DACH2: variants seen among roughly 807,000 people sequenced by gnomAD.
DACH2 encodes the protein dachshund homolog 2.
In DACH2, 17 loss-of-function variants were observed where a neutral mutation model predicts 35.8. That is an observed-to-expected ratio of 0.48 (90% CI 0.33 to 0.71). The LOEUF (loss-of-function observed/expected upper bound fraction) is 0.71, where lower values mean the gene tolerates loss of function less well. DACH2 is among the 30% of genes least tolerant of loss of function. DACH2 has a pLI of 0.02. For synonymous variants in DACH2, 195 were observed against 177.3 expected (o/e 1.10, Z -0.79); for missense variants, 469 against 472.7 (o/e 0.99, Z 0.07).
chrX:86,308,613 T>A (rs773946425), intron 1 of DACH2, among the ~76,000 whole-genome samples: 2 of 111,882 alleles, frequency 1.8e-5, no homozygotes, highest in African/African-American at 3.3e-5. Context: ...AGCTCTTGAA[T>A]GAAGGGGAGG....
At chrX:86,546,499 CTTTCTT>C (rs1569435906) in intron 3 of DACH2, among the ~76,000 whole-genome samples, 1 of 61,275 alleles carries the variant, frequency 1.6e-5, no homozygotes, top group African/African-American at 1.1e-4. Context: ...TCTTCTTCTT[CTTTCTT>C]TTTTTTTTTT....
At chrX:86,543,160 G>A (rs770813954) in intron 3 of DACH2, among the ~76,000 whole-genome samples, 1 of 111,518 alleles carries the variant, frequency 9.0e-6, no homozygotes, top group South Asian at 3.8e-4. Context: ...CACAGAGGCA[G>A]GGCTGAAGAG....
chrX:86,772,908 T>C lies in DACH2; in HGVS notation c.1240+33026T>C, dbSNP rs1320958653. On this transcript the variant is annotated intron_variant, in intron 7 of 11. Transcript: ENST00000373125. The stretch of plus-strand genomic sequence containing the variant: ...ATATAAGACAGTCATATTTGTGCTA[T>C]TATTGTTTTAAAGAAAACATCCTGT... Among the ~76,000 whole-genome samples the C allele has an allele frequency of 3.6e-5, 4 of 111,332 alleles. No homozygotes were observed. The East Asian group carries it at 1.1e-3, about 32-fold the overall frequency.
chrX:86,783,762 T>C (rs184138154), intron 7 of DACH2, among the ~76,000 whole-genome samples: 2 of 111,556 alleles, frequency 1.8e-5, no homozygotes, highest in African/African-American at 6.5e-5. Context: ...ATATTCTCAC[T>C]TATTTTGGGG....
intron 3 of DACH2, among the ~76,000 whole-genome samples, chrX:86,518,333 G>A (rs1370603888): frequency 9.0e-6 from 1 of 111,552 alleles, no homozygotes; most frequent in Non-Finnish European, 1.9e-5. Context: ...GTAACATGAT[G>A]CCTCCAGCTT....
At chrX:86,467,153 T>C (rs1407963483) in intron 2 of DACH2, among the ~76,000 whole-genome samples, 2 of 111,992 alleles carry the variant, frequency 1.8e-5, no homozygotes, top group Admixed American at 9.5e-5. Context: ...TTTTGAACTT[T>C]TATGCCCTGT....
In DACH2 at chrX:86,397,252, C is replaced by A. The variant is rs895488196; in HGVS notation, c.527+20390C>A. Among the ~76,000 whole-genome samples, 5 of 111,812 alleles carry A rather than the reference C, an allele frequency of 4.5e-5. No homozygotes were observed. The Admixed American group carries it at 4.7e-4, about 11-fold the overall frequency. On this transcript the variant is annotated intron_variant, in intron 2 of 11. Transcript: ENST00000373125. ...TGCACATTGATTTTGCATCCTGAGA[C>A]TTTGCTGAAGTTGCTTATCAGCTTA...
intron 1 of DACH2, among the ~76,000 whole-genome samples, chrX:86,152,000 G>A (rs1287558991): frequency 9.0e-6 from 1 of 111,611 alleles, no homozygotes; most frequent in Non-Finnish European, 1.9e-5. Context: ...GGCTAAAGAG[G>A]ATTGTCCTTC....
chrX:86,278,449 T>C (rs1479990157), intron 1 of DACH2, among the ~76,000 whole-genome samples: 1 of 112,095 alleles, frequency 8.9e-6, no homozygotes, highest in Non-Finnish European at 1.9e-5. Context: ...TTTCCAAGAA[T>C]TTGTTGAATC....
intron 1 of DACH2, among the ~76,000 whole-genome samples, chrX:86,317,596 A>G (rs1198624224): frequency 2.7e-5 from 3 of 112,245 alleles, no homozygotes; most frequent in Admixed American, 9.4e-5. Flanking sequence ...TTATGATAGG[A>G]CTGAGCTGTT....
chrX:86,492,106 C>T, intron 2 of DACH2, among the ~76,000 whole-genome samples: 1 of 111,471 alleles, frequency 9.0e-6, no homozygotes, highest in Middle Eastern at 4.6e-3. Context: ...GTCTCTGTGA[C>T]TGCTTTATTT....
intron 1 of DACH2, among the ~76,000 whole-genome samples, chrX:86,149,580 G>A (rs920123168): frequency 9.0e-6 from 1 of 111,721 alleles, no homozygotes; most frequent in African/African-American, 3.3e-5. Flanking sequence ...GCATGCAGGG[G>A]GTGGGAAGTC....
At position 86,148,988 on chromosome X, in the gene DACH2, G is replaced by A; in HGVS notation, c.368G>A (p.Cys123Tyr). Residue 123 changes from cysteine (C) to tyrosine (Y), a missense_variant, in exon 1 of 12, where the codon TGT (cysteine) becomes TAT (tyrosine). Cys to Tyr is a radical substitution (Grantham distance 194, BLOSUM62 -2). Around this residue, in one of 3 missense-constraint regions of DACH2, gnomAD observed 99 missense variants for 114.3 expected, o/e 0.87. Transcript: ENST00000373125. ...LKRLDISPVV[C>Y]TVEQVRILRG... The stretch of plus-strand genomic sequence containing the variant: ...AGACTGGATATATCCCCCGTGGTGT[G>A]TACTGTTGAGCAGGTCCGGATCCTC... The A allele has an allele frequency of 8.3e-7, 1 of 1,211,456 alleles. No individual in the cohort carries two copies. The highest frequency in any genetic ancestry group is 1.1e-6 in the Non-Finnish European group (1 of 895,484).
chrX:86,465,787 C>A (rs1039271212), intron 2 of DACH2, among the ~76,000 whole-genome samples: 2 of 111,747 alleles, frequency 1.8e-5, no homozygotes, highest in African/African-American at 6.5e-5. Context: ...GTTTGTTTTG[C>A]CTATATGCCA....
At chrX:86,429,885 T>C (rs903085714) in intron 2 of DACH2, among the ~76,000 whole-genome samples, 74 of 112,285 alleles carry the variant, frequency 6.6e-4, no homozygotes, top group African/African-American at 2.3e-3. Context: ...AATGATTCCA[T>C]TTCTTTTCTG....
At chrX:86,487,370 A>G (rs1021754381) in intron 2 of DACH2, among the ~76,000 whole-genome samples, 2 of 111,885 alleles carry the variant, frequency 1.8e-5, no homozygotes, top group African/African-American at 3.2e-5. Context: ...ACATTTGTGT[A>G]TAAGGTGCTA....
At position 86,469,842 on chromosome X, in the gene DACH2, TTGTG is replaced by T. The variant is rs59130472; in HGVS notation, c.528-44411_528-44408del. Among the ~76,000 whole-genome samples, 990 of 102,983 alleles carry T rather than the reference TTGTG, an allele frequency of 9.6e-3. 2 individuals are homozygous for T. The highest frequency in any genetic ancestry group is 0.012 in the South Asian group (27 of 2,280). The allele number at this position is 102,983 out of a possible 115,157, so 89.4% of individuals were successfully genotyped here. On this transcript the variant is annotated intron_variant, in intron 2 of 11. Transcript: ENST00000373125. ...AATATATGTATACGTCTGTGTGTGT[TTGTG>T]TGTGTGTGTGTGTGTGTGTGTGTGT...
At chrX:86,311,327 C>T (rs1431038765) in intron 1 of DACH2, among the ~76,000 whole-genome samples, 2 of 111,925 alleles carry the variant, frequency 1.8e-5, no homozygotes, top group African/African-American at 6.5e-5. Flanking sequence ...AGAAGTGCAG[C>T]AGTGAGCTCA....
intron 7 of DACH2, among the ~76,000 whole-genome samples, chrX:86,777,997 G>A (rs993953736): frequency 1.2e-4 from 13 of 111,616 alleles, no homozygotes; most frequent in African/African-American, 4.2e-4. Flanking sequence ...TAGTCATTAA[G>A]CATGGTGTAC....
Sources: gnomAD v4.1 joint callset for allele counts (sites outside exome capture counted in the v4.1 genomes callset) on GRCh38, gnomAD v4.1.1 for gene constraint, gnomAD v4.1.1 regional missense constraint, MANE v1.5 for transcripts, NCBI Gene and HGNC (gene_info 2026-07-23, HGNC 2026-07-21) for gene names.